KPNA7: variants seen among roughly 807,000 people sequenced by gnomAD.
KPNA7 encodes the protein karyopherin subunit alpha 7, also known as importin subunit alpha-8.
In KPNA7, 54 loss-of-function variants were observed where a neutral mutation model predicts 53.7. That is an observed-to-expected ratio of 1.01 (90% confidence interval 0.81 to 1.26). KPNA7 has a LOEUF of 1.26. Ranked by LOEUF, KPNA7 falls within the 50% of genes most tolerant of loss-of-function variation. The probability of loss-of-function intolerance (pLI) is 0.00; values close to 1 mark genes in which losing one functional copy is unlikely to be tolerated. For synonymous variants in KPNA7, 276 were observed against 259.3 expected (o/e 1.06, Z -0.62); for missense variants, 640 against 644.5 (o/e 0.99, Z 0.07).
intron 7 of KPNA7, among the ~76,000 whole-genome samples, chr7:99,186,609 G>A (rs1415648933): frequency 6.6e-6 from 1 of 152,056 alleles, no homozygotes; most frequent in Non-Finnish European, 1.5e-5. Context: ...TGGGTGTGGT[G>A]GTGCACACCT....
At chr7:99,181,111 CTCCGTCTGTGTCTCTCTCTCCGTCTGTG>C (rs2150713576) in intron 9 of KPNA7, among the ~76,000 whole-genome samples, 1 of 18,764 alleles carries the variant, frequency 5.3e-5, no homozygotes, top group Non-Finnish European at 1.5e-4. Flanking sequence ...GTGTCTCTCT[CTCCGTCTGTGTCTCTCTCTCCGTCTGTG>C]TCTCTCTCTC....
the KPNA7 span, among the ~76,000 whole-genome samples, chr7:99,158,559 A>C: frequency 6.6e-6 from 1 of 152,102 alleles, no homozygotes; most frequent in East Asian, 1.9e-4. Flanking sequence ...GCTGGAGTGC[A>C]GTGGCACGAT....
chr7:99,193,792 C>A (rs1040266019), intron 5 of KPNA7, among the ~76,000 whole-genome samples: 1 of 151,980 alleles, frequency 6.6e-6, no homozygotes, highest in South Asian at 2.1e-4. Flanking sequence ...ATTGTCCCAC[C>A]GTAGCCTCCT....
intron 9 of KPNA7, among the ~76,000 whole-genome samples, chr7:99,180,811 G>C (rs1164880670): frequency 1.3e-4 from 1 of 7,856 alleles, no homozygotes; most frequent in Non-Finnish European, 3.4e-4. Context: ...CTCTCTCCCC[G>C]TCTGTGTCTC....
chr7:99,160,423 C>T, the KPNA7 span, among the ~76,000 whole-genome samples: 1 of 151,932 alleles, frequency 6.6e-6, no homozygotes, highest in African/African-American at 2.4e-5. Context: ...GGATTCTTTC[C>T]TGTCTCCTCC....
chr7:99,176,267 C>T (rs770514780), intron 10 of KPNA7, among the ~76,000 whole-genome samples: 25 of 136,710 alleles, frequency 1.8e-4, no homozygotes, highest in Non-Finnish European at 3.7e-4. Context: ...CACTGCACTC[C>T]AGCCTGGGCA....
chr7:99,182,842 A>G (rs925431538), intron 8 of KPNA7, among the ~76,000 whole-genome samples: 2 of 152,162 alleles, frequency 1.3e-5, no homozygotes, highest in African/African-American at 2.4e-5. Flanking sequence ...ACAGTGGCCT[A>G]TGTCTGCATT....
upstream of KPNA7, among the ~76,000 whole-genome samples, chr7:99,212,232 CCTT>C (rs1360621677): frequency 2.5e-5 from 3 of 118,280 alleles, no homozygotes; most frequent in Non-Finnish European, 5.1e-5. Flanking sequence ...CCACATGTGT[CCTT>C]TTTTTTTTTT....
intron 7 of KPNA7, 35 bp downstream of exon 7, chr7:99,188,265 G>A: frequency 3.9e-6 from 6 of 1,538,568 alleles, no homozygotes; most frequent in East Asian, 2.5e-5. Context: ...TATGACCCGA[G>A]GACTCGAATC....
rs1260197464 is a variant in KPNA7, at chr7:99,203,175, G to T, written c.132C>A (p.Thr44=). The T allele has an allele frequency of 6.4e-7, 1 of 1,551,562 alleles. No homozygotes were observed. The highest frequency in any genetic ancestry group is 8.7e-7 in the Non-Finnish European group (1 of 1,146,916). Residue 44 remains threonine (T), a synonymous_variant, in exon 3 of 11, where the codon ACC becomes ACA. Transcript: ENST00000327442. The part of the protein sequence containing the change: ...ELRKAKKDEQ[T]LKRRNITSFC... The stretch of plus-strand genomic sequence containing the variant: ...AGCTCGTGATATTCCTTCTCTTTAA[G>T]GTCTGTTCATCTTTCTTGGCCTTTC...
chr7:99,188,838 C>T (rs554491263), intron 6 of KPNA7, among the ~76,000 whole-genome samples: 21 of 152,164 alleles, frequency 1.4e-4, no homozygotes, highest in South Asian at 1.2e-3. Flanking sequence ...CCACCACACA[C>T]GCCCAGCTAA....
At chr7:99,184,844 C>T in intron 8 of KPNA7, 85 bp downstream of exon 8, 2 of 1,125,878 alleles carry the variant, frequency 1.8e-6, no homozygotes, top group Non-Finnish European at 2.6e-6. Flanking sequence ...TTTGCTTCTG[C>T]ACCTGTGTCT....
the KPNA7 span, among the ~76,000 whole-genome samples, chr7:99,166,866 C>G: frequency 2.0e-5 from 3 of 152,168 alleles, no homozygotes; most frequent in African/African-American, 7.2e-5. Flanking sequence ...TGATCCACCA[C>G]CTCGACCTCC....
intron 7 of KPNA7, among the ~76,000 whole-genome samples, chr7:99,186,013 G>C (rs995938296): frequency 6.6e-6 from 1 of 152,024 alleles, no homozygotes; most frequent in African/African-American, 2.4e-5. Flanking sequence ...GGCTTGTCTT[G>C]AACTCCTGAC....
chr7:99,192,473 T>A, intron 6 of KPNA7, among the ~76,000 whole-genome samples: 1 of 152,182 alleles, frequency 6.6e-6, no homozygotes, highest in East Asian at 1.9e-4. Context: ...AGTGCAGTGG[T>A]GTGATCTTGG....
chr7:99,173,173 T>C (rs907088570), downstream of KPNA7, among the ~76,000 whole-genome samples: 7 of 151,998 alleles, frequency 4.6e-5, no homozygotes, highest in Non-Finnish European at 1.0e-4. Context: ...AGGCAATTAC[T>C]AAACAAATGT....
downstream of KPNA7, among the ~76,000 whole-genome samples, chr7:99,172,063 A>C (rs1455111731): frequency 6.6e-6 from 1 of 152,234 alleles, no homozygotes; most frequent in Non-Finnish European, 1.5e-5. Context: ...ATGTGGATTA[A>C]TACTAAGGAA....
downstream of KPNA7, among the ~76,000 whole-genome samples, chr7:99,172,152 C>A (rs533640156): frequency 6.6e-6 from 1 of 151,974 alleles, no homozygotes; most frequent in African/African-American, 2.4e-5. Flanking sequence ...ATCTACGATG[C>A]GAAGAAAGGG....
At chr7:99,210,624 G>A (rs796968730), upstream of KPNA7, among the ~76,000 whole-genome samples, 3 of 152,198 alleles carry the variant, frequency 2.0e-5, no homozygotes, top group African/African-American at 7.2e-5. Context: ...TTGCTCCGTT[G>A]CCCAGGCTGG....
Sources: allele counts gnomAD v4.1 joint callset (sites outside exome capture counted in the v4.1 genomes callset), GRCh38; gene constraint gnomAD v4.1.1; transcripts MANE v1.5; gene names NCBI Gene and HGNC (gene_info 2026-07-23, HGNC 2026-07-21).